TOP1: variants seen among roughly 807,000 people sequenced by gnomAD.
TOP1 encodes DNA topoisomerase I.
Under a neutral mutation model 111.1 loss-of-function variants are expected in TOP1, and 10 were observed. The ratio of observed to expected loss-of-function variants is 0.09; its 90% CI spans 0.06 to 0.15. The LOEUF (loss-of-function observed/expected upper bound fraction) is 0.15. Among genes scored for constraint, TOP1 ranks in the 10% least tolerant of loss-of-function variants. The pLI is 1.00. For missense variants in TOP1, 474 were observed against 926.7 expected (o/e 0.51, Z 6.34); for synonymous variants, 271 against 302.9 (o/e 0.89, Z 1.10).
chr20:41,066,647 C>G (rs933144759), intron 3 of TOP1, among the ~76,000 whole-genome samples: 1 of 150,726 alleles, frequency 6.6e-6, no homozygotes, highest in Non-Finnish European at 1.5e-5. Context: ...CTCCGCCTCC[C>G]GGGTTCATGC....
chr20:41,072,361 T>C, intron 3 of TOP1: 1 of 985,422 alleles, frequency 1.0e-6, no homozygotes, highest in Non-Finnish European at 1.2e-6. Context: ...CATTTCACTG[T>C]TAATGAGGAA....
chr20:41,080,167 C>T lies in TOP1; in HGVS notation c.418C>T (p.Arg140Ter). 6.3e-7 allele frequency: 1 copy of T among 1,597,104 alleles called. No individual in the cohort carries two copies. Among genetic ancestry groups the T allele is most frequent in the Non-Finnish European group, 8.6e-7 (1 of 1,168,562 alleles). Reference sequence around the variant, plus strand: ...GGATATAAAGCCATTAAAGAGACCTCGAGATGAGGATGAGTGAGTATTTTC... The same window carrying T: ...GGATATAAAGCCATTAAAGAGACCTTGAGATGAGGATGAGTGAGTATTTTC... ...KEDIKPLKRP[R>*]DEDDADYKPK... Residue 140 changes from arginine (R) to a stop codon, truncating the protein, a stop_gained, in exon 6 of 21, where the codon CGA becomes TGA. Coordinates refer to ENST00000361337, the MANE Select transcript of TOP1 (RefSeq NM_003286.4). LOFTEE classifies it high-confidence loss of function. The surrounding 1 kb of genome is among the most constrained non-coding windows in gnomAD (Gnocchi z 5.0).
In TOP1 at chr20:41,034,963, C is replaced by T. The variant is rs61267471; in HGVS notation, c.58+5508C>T. 0.16 allele frequency among the ~76,000 whole-genome samples: 24,472 copies of T among 152,030 alleles called. 2,998 individuals carry two copies. The highest frequency in any genetic ancestry group is 0.68 in the East Asian group (3,500 of 5,162). ...GGAGCGCAGTAGTGTGATTGCAGCTCACTGCAACCTCTGCCTCCTGGGCTC... is the reference window on the plus strand; with the variant it reads ...GGAGCGCAGTAGTGTGATTGCAGCTTACTGCAACCTCTGCCTCCTGGGCTC... On this transcript the variant is annotated intron_variant, in intron 2 of 20. Transcript: ENST00000361337. This position sits in a 1 kb window ranked among gnomAD's most constrained non-coding sequence, Gnocchi z 4.0.
In TOP1 at chr20:41,117,380, A is replaced by ATTTT. The variant is rs1192075214; in HGVS notation, c.1823-767_1823-764dup. Among the ~76,000 whole-genome samples the ATTTT allele has an allele frequency of 1.1e-3, 92 of 85,522 alleles. 1 individual carries two copies. Among genetic ancestry groups the ATTTT allele is most frequent in the African/African-American group, 1.7e-3 (35 of 20,406 alleles). The allele number at this position is 85,522 out of a possible 152,430, so 56.1% of individuals were successfully genotyped here. On this transcript the variant is annotated intron_variant, in intron 17 of 20. Transcript: ENST00000361337. ...TAATAATACTACCAACTGTGGCTTA[A>ATTTT]TTTTTTTTTTTTTTTTTTTTTTTTT...
At chr20:41,059,425 T>TA (rs1404950442) in intron 2 of TOP1, among the ~76,000 whole-genome samples, 1 of 126,338 alleles carries the variant, frequency 7.9e-6, no homozygotes, top group African/African-American at 2.7e-5. Flanking sequence ...AATAAATAAA[T>TA]AAATAAATAA....
chr20:41,107,647 A>T (rs1568701676), intron 13 of TOP1, among the ~76,000 whole-genome samples: 2 of 152,210 alleles, frequency 1.3e-5, no homozygotes, highest in African/African-American at 4.8e-5. Flanking sequence ...CTCACTTGAA[A>T]GTCTTTGTAA....
chr20:41,077,700 G>T, intron 5 of TOP1, 63 bp downstream of exon 5: 1 of 1,486,158 alleles, frequency 6.7e-7, no homozygotes, highest in Non-Finnish European at 9.4e-7. Flanking sequence ...AGCTGCCTGT[G>T]TTGTAGTGTT....
chr20:41,095,514 C>T lies in TOP1; in HGVS notation c.731-1706C>T, dbSNP rs1382531135. ...ACACAGCCTATCTTCCCCGAAGTGT[C>T]TTTCTTCCAAAGCAGAAGCTTGGGG... On this transcript the variant is annotated intron_variant, in intron 9 of 20. Coordinates refer to ENST00000361337, the MANE Select transcript of TOP1 (RefSeq NM_003286.4). This position sits in a 1 kb window ranked among gnomAD's most constrained non-coding sequence, Gnocchi z 4.6. Among the ~76,000 whole-genome samples the T allele has an allele frequency of 3.9e-5, 6 of 152,154 alleles. No individual in the cohort carries two copies. Among genetic ancestry groups the T allele is most frequent in the Non-Finnish European group, 8.8e-5 (6 of 68,014 alleles).
At chr20:41,117,196 T>C (rs1414562940) in intron 17 of TOP1, among the ~76,000 whole-genome samples, 1 of 151,852 alleles carries the variant, frequency 6.6e-6, no homozygotes, top group Non-Finnish European at 1.5e-5. Flanking sequence ...TACTAAAATT[T>C]CTAAAAATTA....
Position 41,097,421 on chromosome 20 carries a change from C to A in TOP1, c.852+80C>A. 7.3e-7 allele frequency: 1 copy of A among 1,376,370 alleles called. No homozygotes were observed. Among genetic ancestry groups the A allele is most frequent in the Non-Finnish European group, 9.8e-7 (1 of 1,020,744 alleles). 85.3% of individuals were successfully genotyped at this position (1,376,370 alleles called of 1,614,324 possible). ...AGTAATAAATTATCATTTTGCAAAA[C>A]ATTTCCTGATGTAAAATTTGAGTTG... is the stretch of plus-strand genomic sequence containing the variant. On this transcript the variant is annotated intron_variant, in intron 10 of 20. Transcript: ENST00000361337. The surrounding 1 kb of genome is among the most constrained non-coding windows in gnomAD (Gnocchi z 4.2).
In TOP1 at chr20:41,098,146, A is replaced by G. The variant is rs2145949863; in HGVS notation, c.853-69A>G. 5.8e-6 allele frequency: 9 copies of G among 1,549,236 alleles called. No individual in the cohort carries two copies. Among genetic ancestry groups the G allele is most frequent in the Non-Finnish European group, 7.1e-6 (8 of 1,124,210 alleles). ...AAAATGGTGCTTGGGTGTATTTGCA[A>G]AGAAACCCAAGGACTTATTAGTGTA... On this transcript the variant is annotated intron_variant, in intron 10 of 20. Coordinates refer to ENST00000361337, the MANE Select transcript of TOP1 (RefSeq NM_003286.4). This position sits in a 1 kb window ranked among gnomAD's most constrained non-coding sequence, Gnocchi z 5.7.
At position 41,100,311 on chromosome 20, in the gene TOP1, A is replaced by G. The variant is rs2034042337; in HGVS notation, c.1163+68A>G. The G allele has an allele frequency of 1.5e-6, 2 of 1,337,788 alleles. No individual in the cohort carries two copies. The highest frequency in any genetic ancestry group is 2.0e-5 in the Admixed American group (1 of 48,864). 82.9% of individuals were successfully genotyped at this position (1,337,788 alleles called of 1,614,324 possible). On this transcript the variant is annotated intron_variant, in intron 12 of 20. Transcript: ENST00000361337. The surrounding 1 kb of genome is among the most constrained non-coding windows in gnomAD (Gnocchi z 4.4). ...GGCGTCCTTTATTGTACTTGGGAAT[A>G]TTTCCCAGGTTACACAGGACTGTTT...
At chr20:41,055,475 CT>C (rs899407219) in intron 2 of TOP1, among the ~76,000 whole-genome samples, 2 of 151,932 alleles carry the variant, frequency 1.3e-5, no homozygotes, top group Non-Finnish European at 2.9e-5. Flanking sequence ...ATTGGCTTTA[CT>C]TTTTCACTTA....
rs2033773585 is a variant in TOP1 at position 41,080,234 on chromosome 20, G to C, written c.431+54G>C. ...TGAAAACAAAAAGGAGGAGTTTAAA[G>C]AATAAATGTGATGTGTTTCTTTATA... On this transcript the variant is annotated intron_variant, in intron 6 of 20. Coordinates refer to ENST00000361337, the MANE Select transcript of TOP1 (RefSeq NM_003286.4). The surrounding 1 kb of genome is among the most constrained non-coding windows in gnomAD (Gnocchi z 5.0). The C allele has an allele frequency of 1.9e-6, 2 of 1,057,044 alleles. No homozygotes were observed. The highest frequency in any genetic ancestry group is 1.4e-6 in the Non-Finnish European group (1 of 707,998). 65.5% of individuals were successfully genotyped at this position (1,057,044 alleles called of 1,614,324 possible).
rs944418109 is a variant in TOP1, at chr20:41,094,570, C to T, written c.730+1983C>T. Among the ~76,000 whole-genome samples, 5 of 152,180 alleles carry T rather than the reference C, an allele frequency of 3.3e-5. No homozygotes were observed. Among genetic ancestry groups the T allele is most frequent in the African/African-American group, 1.2e-4 (5 of 41,440 alleles). On this transcript the variant is annotated intron_variant, in intron 9 of 20. Coordinates refer to ENST00000361337, the MANE Select transcript of TOP1 (RefSeq NM_003286.4). The surrounding 1 kb of genome is among the most constrained non-coding windows in gnomAD (Gnocchi z 4.4). Reference sequence around the variant, plus strand: ...CCTTTCCTCCCATTCTTGCCCAGTCCTCCTTTACAGGATCCTGCTTTAGGG... The same window carrying T: ...CCTTTCCTCCCATTCTTGCCCAGTCTTCCTTTACAGGATCCTGCTTTAGGG...
At chr20:41,039,260 G>A (rs182969295) in intron 2 of TOP1, among the ~76,000 whole-genome samples, 5 of 152,274 alleles carry the variant, frequency 3.3e-5, no homozygotes, top group Non-Finnish European at 7.4e-5. Flanking sequence ...CACTTCCTCT[G>A]TTGAGATTTT....
In TOP1 at chr20:41,122,257, A is replaced by G. The variant is rs2034435312; in HGVS notation, c.2195+102A>G. 8.1e-7 allele frequency: 1 copy of G among 1,239,950 alleles called. No homozygotes were observed. The allele number at this position is 1,239,950 out of a possible 1,614,324, so 76.8% of individuals were successfully genotyped here. ...TTCACATGCCATTCCTAAGCTACAC[A>G]CTTTAGTCCTCTGGGGAAACTTCTG... On this transcript the variant is annotated intron_variant, in intron 20 of 20. Coordinates refer to ENST00000361337, the MANE Select transcript of TOP1 (RefSeq NM_003286.4). This position sits in a 1 kb window ranked among gnomAD's most constrained non-coding sequence, Gnocchi z 5.4.
chr20:41,110,539 T>G lies in TOP1; in HGVS notation c.1309-2243T>G, dbSNP rs889049341. Reference sequence around the variant, plus strand: ...ATTTGCCTTCTCACCCCCAACTTTGTAATCTTGAATCCAGATCCTGATTCC... The same window carrying G: ...ATTTGCCTTCTCACCCCCAACTTTGGAATCTTGAATCCAGATCCTGATTCC... On this transcript the variant is annotated intron_variant, in intron 13 of 20. Transcript: ENST00000361337. The surrounding 1 kb of genome is among the most constrained non-coding windows in gnomAD (Gnocchi z 4.2). Among the ~76,000 whole-genome samples the G allele has an allele frequency of 1.3e-5, 2 of 152,232 alleles. No homozygotes were observed. The highest frequency in any genetic ancestry group is 2.4e-5 in the African/African-American group (1 of 41,450).
intron 13 of TOP1, among the ~76,000 whole-genome samples, chr20:41,104,786 G>T (rs900492159): frequency 1.5e-4 from 23 of 152,194 alleles, no homozygotes; most frequent in African/African-American, 5.5e-4. Flanking sequence ...CTTGCTCTCA[G>T]TTCTCTTTTA....
Sources: allele counts gnomAD v4.1 joint callset (sites outside exome capture counted in the v4.1 genomes callset), GRCh38; gene constraint gnomAD v4.1.1; non-coding constraint Gnocchi (gnomAD v3.1); transcripts MANE v1.5; gene names NCBI Gene and HGNC (gene_info 2026-07-23, HGNC 2026-07-21).